The following CTNNA3 variants were observed in gnomAD, a reference collection of about 807,000 sequenced individuals.
The protein encoded by CTNNA3 is catenin alpha-3.
A neutral mutation model predicts 95.7 loss-of-function variants in CTNNA3; 76 were observed. The ratio of observed to expected loss-of-function variants is 0.79; its 90% CI spans 0.66 to 0.96. The LOEUF is 0.96. Ranked by LOEUF, CTNNA3 falls within the 40% of genes least tolerant of loss-of-function variation. The probability of loss-of-function intolerance (pLI) is 0.00; values close to 1 mark genes in which losing one functional copy is unlikely to be tolerated. For synonymous variants in CTNNA3, 431 were observed against 374.4 expected (o/e 1.15, Z -1.74); for missense variants, 1,191 against 1,089.8 (o/e 1.09, Z -1.31).
chr10:66,237,603 A>G (rs1463824763), intron 13 of CTNNA3, among the ~76,000 whole-genome samples: 2 of 151,974 alleles, frequency 1.3e-5, no homozygotes, highest in Non-Finnish European at 2.9e-5. Flanking sequence ...TAGTATTACA[A>G]TTGCAATAAT....
intron 13 of CTNNA3, among the ~76,000 whole-genome samples, chr10:66,225,851 A>C (rs373096896): frequency 6.6e-6 from 1 of 152,038 alleles, no homozygotes; most frequent in Non-Finnish European, 1.5e-5. Context: ...AAATATACTT[A>C]TTAGCCACTC....
intron 1 of CTNNA3, among the ~76,000 whole-genome samples, chr10:67,678,097 A>T (rs1041676524): frequency 2.0e-5 from 3 of 152,188 alleles, no homozygotes; most frequent in Non-Finnish European, 1.5e-5. Flanking sequence ...ACTAAATATA[A>T]ATCTTATGTA....
chr10:65,926,141 T>G (rs2133124686), intron 17 of CTNNA3, among the ~76,000 whole-genome samples: 1 of 151,330 alleles, frequency 6.6e-6, no homozygotes, highest in South Asian at 2.1e-4. Flanking sequence ...ATAACTGTTT[T>G]CTTTCAATCA....
intron 7 of CTNNA3, among the ~76,000 whole-genome samples, chr10:67,069,632 A>G (rs1232038510): frequency 7.2e-6 from 1 of 139,414 alleles, no homozygotes; most frequent in African/African-American, 2.7e-5. Context: ...TACATAGATT[A>G]GTTCTGTCTG....
At position 65,914,528 on chromosome 10, in the gene CTNNA3, GAAGGA is replaced by G. The variant is rs963970867; in HGVS notation, c.*5797_*5801del. The G allele has an allele frequency of 1.3e-5, 2 of 152,148 alleles. No homozygotes were observed. The highest frequency in any genetic ancestry group is 4.8e-5 in the African/African-American group (2 of 41,446). The allele number at this position is 152,148 out of a possible 1,614,324, so 9.4% of individuals were successfully genotyped here. On this transcript the variant is annotated 3_prime_UTR_variant, in exon 18 of 18. Coordinates refer to ENST00000433211, the MANE Select transcript of CTNNA3 (RefSeq NM_013266.4). ...TATGCACACGTGTGACCTCCATAAA[GAAGGA>G]AAGATGTATTTGCTACAGTTTGGGT...
At chr10:67,442,129 C>T (rs1016361758) in intron 5 of CTNNA3, among the ~76,000 whole-genome samples, 1 of 151,842 alleles carries the variant, frequency 6.6e-6, no homozygotes, top group African/African-American at 2.4e-5. Flanking sequence ...TTTGTTTATG[C>T]AATCAGTGTT....
chr10:66,145,398 T>C (rs868068664), intron 13 of CTNNA3, among the ~76,000 whole-genome samples: 8 of 152,300 alleles, frequency 5.3e-5, no homozygotes, highest in Middle Eastern at 6.8e-3. Context: ...AAGCTGTCCT[T>C]ATGCCCCAGA....
At chr10:67,584,960 T>C (rs1842574491) in intron 3 of CTNNA3, among the ~76,000 whole-genome samples, 1 of 152,200 alleles carries the variant, frequency 6.6e-6, no homozygotes, top group Non-Finnish European at 1.5e-5. Context: ...CCAGGTACCG[T>C]CTGTCACGGC....
chr10:67,180,681 A>T (rs779404969), intron 6 of CTNNA3, among the ~76,000 whole-genome samples, 161 bp from the exon 7 acceptor site: 5 of 152,198 alleles, frequency 3.3e-5, no homozygotes, highest in South Asian at 4.1e-4. Flanking sequence ...TGTAGTGATT[A>T]TTATTCTGAT....
At chr10:66,530,435 C>T (rs1271538644) in intron 10 of CTNNA3, among the ~76,000 whole-genome samples, 3 of 152,116 alleles carry the variant, frequency 2.0e-5, no homozygotes, top group Admixed American at 1.3e-4. Context: ...TCTACTACTA[C>T]CAAATATTTC....
chr10:67,584,490 C>T (rs1842546902), intron 3 of CTNNA3, among the ~76,000 whole-genome samples: 1 of 152,226 alleles, frequency 6.6e-6, no homozygotes, highest in South Asian at 2.1e-4. Context: ...TGGGAGGTGT[C>T]TCCCAGTTAG....
intron 7 of CTNNA3, among the ~76,000 whole-genome samples, chr10:67,062,957 G>A (rs1286432872): frequency 1.3e-5 from 2 of 152,078 alleles, no homozygotes; most frequent in African/African-American, 2.4e-5. Context: ...CTCATATGCT[G>A]AGAGTTAATC....
chr10:67,576,541 T>C (rs1476246192), intron 3 of CTNNA3, among the ~76,000 whole-genome samples: 2 of 146,538 alleles, frequency 1.4e-5, no homozygotes, highest in African/African-American at 2.7e-5. Context: ...TCAGATAGTT[T>C]CTTTATTTTA....
intron 10 of CTNNA3, among the ~76,000 whole-genome samples, chr10:66,547,913 T>A (rs1238765791): frequency 6.6e-6 from 1 of 151,138 alleles, no homozygotes; most frequent in Non-Finnish European, 1.5e-5. Flanking sequence ...TTTCTTAGTA[T>A]CTGATTTTTT....
intron 9 of CTNNA3, among the ~76,000 whole-genome samples, chr10:66,633,909 G>A (rs567343518): frequency 6.6e-6 from 1 of 152,072 alleles, no homozygotes; most frequent in South Asian, 2.1e-4. Context: ...AAAAAAACGC[G>A]ATTGATGAAA....
chr10:66,154,753 A>ATAT (rs1554870383), intron 13 of CTNNA3, among the ~76,000 whole-genome samples: 1 of 28,046 alleles, frequency 3.6e-5, no homozygotes. Context: ...TCCCTTGAAC[A>ATAT]ATTTATATGA....
At chr10:67,640,576 G>C (rs887973768) in intron 2 of CTNNA3, among the ~76,000 whole-genome samples, 7 of 152,172 alleles carry the variant, frequency 4.6e-5, no homozygotes, top group Non-Finnish European at 1.0e-4. Context: ...AACAAAGCTG[G>C]AGGCATCACA....
At chr10:67,082,621 C>G (rs1464070943) in intron 7 of CTNNA3, among the ~76,000 whole-genome samples, 1 of 151,938 alleles carries the variant, frequency 6.6e-6, no homozygotes, top group Non-Finnish European at 1.5e-5. Context: ...TCAGCTGGCC[C>G]GCAGGAGAAA....
chr10:67,728,298 C>T (rs1435583801), intron 1 of CTNNA3, among the ~76,000 whole-genome samples: 1 of 148,822 alleles, frequency 6.7e-6, no homozygotes, highest in African/African-American at 2.5e-5. Context: ...CACAAAAATA[C>T]AAAAATTAGC....
Sources: gnomAD v4.1 joint callset for allele counts (sites outside exome capture counted in the v4.1 genomes callset) on GRCh38, gnomAD v4.1.1 for gene constraint, MANE v1.5 for transcripts, NCBI Gene and HGNC (gene_info 2026-07-23, HGNC 2026-07-21) for gene names.